Variants in TMEM163 observed in about 807,000 individuals in gnomAD.
TMEM163 encodes transmembrane protein 163.
A neutral mutation model predicts 29.3 loss-of-function variants in TMEM163; 17 were observed. The ratio of observed to expected loss-of-function variants is 0.58; its 90% CI spans 0.40 to 0.87. The LOEUF is 0.87. Among genes scored for constraint, TMEM163 ranks in the 40% least tolerant of loss-of-function variants. The probability of loss-of-function intolerance (pLI) is 0.00; values close to 1 mark genes in which losing one functional copy is unlikely to be tolerated. For synonymous variants in TMEM163, 157 were observed against 160.6 expected (o/e 0.98, Z 0.17); for missense variants, 303 against 381.5 (o/e 0.79, Z 1.71).
intron 5 of TMEM163, 120 bp from the exon 6 acceptor site, chr2:134,466,345 A>C: frequency 1.3e-6 from 1 of 746,818 alleles, no homozygotes; most frequent in Non-Finnish European, 2.3e-6. Context: ...TGCTGCCACC[A>C]GGTGGGGGTA....
chr2:134,579,645 A>T (rs1426801502), intron 2 of TMEM163, among the ~76,000 whole-genome samples: 2 of 152,166 alleles, frequency 1.3e-5, no homozygotes, highest in African/African-American at 4.8e-5. Flanking sequence ...AGGGGTAGGA[A>T]ACTAAATTGG....
chr2:134,633,767 G>C (rs1227178476), intron 2 of TMEM163, among the ~76,000 whole-genome samples: 3 of 151,758 alleles, frequency 2.0e-5, no homozygotes, highest in African/African-American at 4.8e-5. Context: ...TTCGAGACCA[G>C]ACTGGCCAAC....
chr2:134,651,283 T>C (rs1419794913), intron 2 of TMEM163, among the ~76,000 whole-genome samples: 3 of 137,746 alleles, frequency 2.2e-5, no homozygotes, highest in Non-Finnish European at 4.5e-5. Flanking sequence ...TTTGCATTTC[T>C]CTGATGGCCA....
At chr2:134,606,890 CGG>C (rs1682382540) in intron 2 of TMEM163, among the ~76,000 whole-genome samples, 1 of 152,196 alleles carries the variant, frequency 6.6e-6, no homozygotes, top group Non-Finnish European at 1.5e-5. Context: ...GCAACAGGCT[CGG>C]GTGTGGCGCA....
chr2:134,553,009 C>G (rs1680967794), intron 2 of TMEM163, among the ~76,000 whole-genome samples: 1 of 152,100 alleles, frequency 6.6e-6, no homozygotes, highest in Non-Finnish European at 1.5e-5. Flanking sequence ...GCACTTTTTC[C>G]TAATTCTGTT....
intron 2 of TMEM163, among the ~76,000 whole-genome samples, chr2:134,702,509 G>A (rs1331352889): frequency 6.6e-6 from 1 of 152,116 alleles, no homozygotes; most frequent in South Asian, 2.1e-4. Flanking sequence ...GCCGGGCATG[G>A]TGGCACGCCC....
intron 2 of TMEM163, among the ~76,000 whole-genome samples, chr2:134,635,192 C>T (rs981601519): frequency 6.6e-6 from 1 of 152,202 alleles, no homozygotes. Context: ...GAGACAATTA[C>T]AGTCTCTGAC....
chr2:134,515,574 C>T (rs1369497727), intron 4 of TMEM163, among the ~76,000 whole-genome samples: 3 of 152,148 alleles, frequency 2.0e-5, no homozygotes, highest in Admixed American at 6.5e-5. Context: ...AGAATGTTCA[C>T]AGTAGTGTTA....
At chr2:134,467,190 T>C (rs1686688200) in intron 5 of TMEM163, 1 of 152,180 alleles carries the variant, frequency 6.6e-6, no homozygotes, top group Non-Finnish European at 1.5e-5. Flanking sequence ...TCCGAAAACA[T>C]GGGTCAATGA....
At chr2:134,459,798 C>A (rs56081667) in intron 6 of TMEM163, among the ~76,000 whole-genome samples, 21,084 of 151,580 alleles carry the variant, frequency 0.14, 2,642 homozygotes, top group East Asian at 0.35. Context: ...TGCATCCCCA[C>A]CTGAGTGTCC....
At chr2:134,677,826 C>T (rs990113402) in intron 2 of TMEM163, among the ~76,000 whole-genome samples, 2 of 152,166 alleles carry the variant, frequency 1.3e-5, no homozygotes, top group African/African-American at 4.8e-5. Context: ...ACCCCTGTGT[C>T]AACAGTTCCT....
In TMEM163 at chr2:134,540,074, G is replaced by T. The variant is rs1396112093; in HGVS notation, c.458+10496C>A. 2.6e-5 allele frequency among the ~76,000 whole-genome samples: 4 copies of T among 152,318 alleles called. No homozygotes were observed. In the East Asian group the frequency reaches 7.7e-4, roughly 29 times the overall value. ...GACTTCCAGGTGCAAGTGTCCAAGG[G>T]TAACCATCCTCAGGGTGAAACAGGG... is the stretch of plus-strand genomic sequence containing the variant. On this transcript the variant is annotated intron_variant, in intron 4 of 7. Transcript: ENST00000281924.
intron 6 of TMEM163, chr2:134,458,514 C>A (rs1224365814): frequency 1.1e-5 from 3 of 273,296 alleles, no homozygotes; most frequent in South Asian, 5.3e-5. Flanking sequence ...GTCCACAGTC[C>A]CCAGGACAGT....
chr2:134,625,998 G>C (rs192937077), intron 2 of TMEM163, among the ~76,000 whole-genome samples: 174 of 150,644 alleles, frequency 1.2e-3, no homozygotes, highest in Non-Finnish European at 2.0e-3. Flanking sequence ...GTTTACAATT[G>C]GACATCAGAA....
chr2:134,544,486 A>T (rs1010885045), intron 4 of TMEM163, among the ~76,000 whole-genome samples: 3 of 152,170 alleles, frequency 2.0e-5, no homozygotes, highest in African/African-American at 4.8e-5. Flanking sequence ...AAATTCTTTA[A>T]ATCAAGTTAA....
chr2:134,580,889 G>A (rs1363518191), intron 2 of TMEM163, among the ~76,000 whole-genome samples: 1 of 152,168 alleles, frequency 6.6e-6, no homozygotes, highest in Non-Finnish European at 1.5e-5. Context: ...CTCCAGCCTG[G>A]GTGACAGAGC....
At chr2:134,505,716 G>A (rs867807848) in intron 4 of TMEM163, among the ~76,000 whole-genome samples, 6 of 152,104 alleles carry the variant, frequency 3.9e-5, no homozygotes, top group African/African-American at 1.4e-4. Flanking sequence ...TGATAATGCC[G>A]GAATTGCTTC....
At chr2:134,573,691 T>C (rs902661947) in intron 2 of TMEM163, among the ~76,000 whole-genome samples, 1 of 152,208 alleles carries the variant, frequency 6.6e-6, no homozygotes, top group African/African-American at 2.4e-5. Flanking sequence ...CAATGACATA[T>C]AATAAAAATG....
chr2:134,460,856 T>G lies in TMEM163; in HGVS notation c.668-2683A>C, dbSNP rs773151415. 1.4e-4 allele frequency among the ~76,000 whole-genome samples: 22 copies of G among 152,200 alleles called. No individual in the cohort carries two copies. Among genetic ancestry groups the G allele is most frequent in the African/African-American group, 1.9e-4 (8 of 41,452 alleles). On this transcript the variant is annotated intron_variant, in intron 6 of 7. Transcript: ENST00000281924. The surrounding 1 kb of genome is among the most constrained non-coding windows in gnomAD (Gnocchi z 4.3). The stretch of plus-strand genomic sequence containing the variant: ...GTGGCAGGGGCACATGTTTGCTGCT[T>G]CTTCTAGGAGGAGACTCTGCCTTGC...
Sources: gnomAD v4.1 joint callset for allele counts (sites outside exome capture counted in the v4.1 genomes callset) on GRCh38, gnomAD v4.1.1 for gene constraint, Gnocchi (gnomAD v3.1) non-coding constraint, MANE v1.5 for transcripts, NCBI Gene and HGNC (gene_info 2026-07-23, HGNC 2026-07-21) for gene names.